Variants in ADGRG7 observed in about 807,000 individuals in gnomAD.
The protein encoded by ADGRG7 is adhesion G protein-coupled receptor G7, also known as G-protein coupled receptor 128.
In ADGRG7, 82 loss-of-function variants were observed where a neutral mutation model predicts 88.6. That is an observed-to-expected ratio of 0.93 (90% CI 0.77 to 1.11). ADGRG7 has a LOEUF of 1.11. Ranked by LOEUF, ADGRG7 falls within the 50% of genes most tolerant of loss-of-function variation. ADGRG7 has a pLI of 0.00. For missense variants in ADGRG7, 945 were observed against 953.4 expected (o/e 0.99, Z 0.12); for synonymous variants, 381 against 345.2 (o/e 1.10, Z -1.15).
At chr3:100,679,416 C>G (rs1409191909) in intron 15 of ADGRG7, among the ~76,000 whole-genome samples, 1 of 152,144 alleles carries the variant, frequency 6.6e-6, no homozygotes, top group Admixed American at 6.5e-5. Context: ...AATCAGAGAC[C>G]CCAAGAGCCT....
intron 1 of ADGRG7, among the ~76,000 whole-genome samples, chr3:100,629,185 A>G: frequency 6.6e-6 from 1 of 151,846 alleles, no homozygotes; most frequent in East Asian, 1.9e-4. Context: ...ACTATCTCTT[A>G]CCGGGTCTTC....
At chr3:100,680,036 A>G (rs2094970998) in intron 15 of ADGRG7, among the ~76,000 whole-genome samples, 1 of 152,196 alleles carries the variant, frequency 6.6e-6, no homozygotes, top group Non-Finnish European at 1.5e-5. Context: ...ATCCTTACCA[A>G]TATTTTTGCC....
intron 8 of ADGRG7, 108 bp from the exon 9 acceptor site, chr3:100,645,837 C>T: frequency 4.1e-6 from 4 of 977,592 alleles, no homozygotes; most frequent in Non-Finnish European, 6.1e-6. Context: ...TTTTACTGTA[C>T]TTTACTCAAA....
chr3:100,653,793 T>C (rs901822367), intron 11 of ADGRG7, among the ~76,000 whole-genome samples: 1 of 142,654 alleles, frequency 7.0e-6, no homozygotes, highest in Non-Finnish European at 1.5e-5. Context: ...TTTCATGCAA[T>C]TTTTTTTTTT....
At chr3:100,649,110 A>T (rs2094923644) in intron 10 of ADGRG7, among the ~76,000 whole-genome samples, 1 of 152,230 alleles carries the variant, frequency 6.6e-6, no homozygotes, top group Admixed American at 6.5e-5. Context: ...TGAATAAGTG[A>T]GGCAACTTTT....
At chr3:100,666,378 A>G (rs1490247914) in intron 14 of ADGRG7, among the ~76,000 whole-genome samples, 1 of 152,172 alleles carries the variant, frequency 6.6e-6, no homozygotes, top group African/African-American at 2.4e-5. Context: ...AATAGTGGGG[A>G]GAGGGTCAGC....
intron 15 of ADGRG7, among the ~76,000 whole-genome samples, chr3:100,673,110 G>A (rs1168537604): frequency 1.3e-5 from 2 of 152,080 alleles, no homozygotes; most frequent in Non-Finnish European, 2.9e-5. Context: ...TCTTTCAATT[G>A]TTTGGAATAG....
chr3:100,668,645 C>G (rs28409024), intron 14 of ADGRG7, among the ~76,000 whole-genome samples: 4,082 of 152,248 alleles, frequency 0.027, 178 homozygotes, highest in African/African-American at 0.092. Flanking sequence ...GTAATATTCA[C>G]AAAATGAAAA....
chr3:100,653,112 A>C (rs2094932104), intron 11 of ADGRG7, among the ~76,000 whole-genome samples: 2 of 152,240 alleles, frequency 1.3e-5, no homozygotes, highest in African/African-American at 4.8e-5. Flanking sequence ...TAAGGTTCTG[A>C]AAAGTCTTGC....
At chr3:100,672,785 G>A (rs777871828) in intron 15 of ADGRG7, among the ~76,000 whole-genome samples, 10 of 152,062 alleles carry the variant, frequency 6.6e-5, no homozygotes, top group African/African-American at 1.9e-4. Flanking sequence ...GAATTTTGTC[G>A]AAGGCCTTTT....
At chr3:100,678,286 T>G (rs2094968322) in intron 15 of ADGRG7, among the ~76,000 whole-genome samples, 1 of 152,096 alleles carries the variant, frequency 6.6e-6, no homozygotes. Context: ...TTTAATTATT[T>G]CAATCTGTTT....
intron 6 of ADGRG7, among the ~76,000 whole-genome samples, chr3:100,638,020 A>G (rs1707575384): frequency 6.6e-6 from 1 of 152,176 alleles, no homozygotes; most frequent in South Asian, 2.1e-4. Context: ...CAGCATCCAG[A>G]GGGGTGCCTG....
Position 100,659,799 on chromosome 3 carries a change from A to ATAAC in ADGRG7, c.1935_1936insTAAC (p.Ile646Ter). ...TCAGCAATGTTGTTATGTTTATTAC[A>ATAAC]ATCTCGATCAAAGTGCTGTGGAAGA... is the stretch of plus-strand genomic sequence containing the variant. On this transcript the variant is annotated stop_gained and frameshift_variant, in exon 14 of 16. Transcript: ENST00000273352. LOFTEE classifies it high-confidence loss of function. 1.2e-6 allele frequency: 2 copies of ATAAC among 1,613,950 alleles called. No homozygotes were observed. Among genetic ancestry groups the ATAAC allele is most frequent in the Non-Finnish European group, 8.5e-7 (1 of 1,179,930 alleles).
chr3:100,619,454 A>C (rs1419378397), intron 1 of ADGRG7, among the ~76,000 whole-genome samples: 1 of 152,188 alleles, frequency 6.6e-6, no homozygotes, highest in Non-Finnish European at 1.5e-5. Context: ...AAGAGAAAGC[A>C]GGAAAGATCT....
At chr3:100,625,554 C>G (rs1707369329) in intron 1 of ADGRG7, among the ~76,000 whole-genome samples, 2 of 152,146 alleles carry the variant, frequency 1.3e-5, no homozygotes, top group Non-Finnish European at 2.9e-5. Flanking sequence ...GCCAGAACTT[C>G]CAATACTATG....
intron 1 of ADGRG7, among the ~76,000 whole-genome samples, chr3:100,612,170 T>C (rs1207304492): frequency 6.6e-6 from 1 of 152,104 alleles, no homozygotes; most frequent in Non-Finnish European, 1.5e-5. Flanking sequence ...ATTAAGTCTC[T>C]TTCACTTTTA....
intron 13 of ADGRG7, 110 bp downstream of exon 13, chr3:100,656,105 T>G: frequency 3.4e-6 from 2 of 595,978 alleles, no homozygotes; most frequent in African/African-American, 1.8e-5. Context: ...ATAATTGTCA[T>G]GTTTAGTGGT....
intron 10 of ADGRG7, among the ~76,000 whole-genome samples, chr3:100,648,012 A>G (rs1434809902): frequency 3.3e-5 from 5 of 152,206 alleles, no homozygotes; most frequent in African/African-American, 1.2e-4. Context: ...ATTCATTTGG[A>G]TTATTTCTTT....
In ADGRG7 at chr3:100,688,682, C is replaced by T. The variant is rs368048190; in HGVS notation, c.2137-6062C>T. 2.5e-4 allele frequency among the ~76,000 whole-genome samples: 38 copies of T among 152,212 alleles called. No homozygotes were observed. The East Asian group carries it at 2.7e-3, about 11-fold the overall frequency. On this transcript the variant is annotated intron_variant, in intron 15 of 15. Coordinates refer to ENST00000273352, the MANE Select transcript of ADGRG7 (RefSeq NM_032787.3). ...GTTGTTCAGTTTCCATGTAGTTGAGCGGTTTTGAGTGAGTTTCTTAATCCT... is the reference window on the plus strand; with the variant it reads ...GTTGTTCAGTTTCCATGTAGTTGAGTGGTTTTGAGTGAGTTTCTTAATCCT...
Sources: gnomAD v4.1 joint callset for allele counts (sites outside exome capture counted in the v4.1 genomes callset) on GRCh38, gnomAD v4.1.1 for gene constraint, MANE v1.5 for transcripts, NCBI Gene and HGNC (gene_info 2026-07-23, HGNC 2026-07-21) for gene names.